PLXNA4: variants seen among roughly 807,000 people sequenced by gnomAD.
PLXNA4 encodes the protein plexin A4, also known as plexin-A4.
PLXNA4 carries 44 observed loss-of-function variants against 191.8 expected under a neutral mutation model. The observed-to-expected ratio is 0.23, with a 90% CI of 0.18 to 0.29. PLXNA4 has a LOEUF of 0.29. PLXNA4 is among the 10% of genes least tolerant of loss of function. The probability of loss-of-function intolerance (pLI) is 1.00; values close to 1 mark genes in which losing one functional copy is unlikely to be tolerated. For synonymous variants in PLXNA4, 1,082 were observed against 1,009.5 expected (o/e 1.07, Z -1.36); for missense variants, 1,800 against 2,488.8 (o/e 0.72, Z 5.89).
chr7:132,357,584 G>T (rs1240847701), intron 3 of PLXNA4, among the ~76,000 whole-genome samples: 1 of 152,170 alleles, frequency 6.6e-6, no homozygotes, highest in Non-Finnish European at 1.5e-5. Context: ...TCTTTCCCCT[G>T]GTTGCCATGA....
At chr7:132,388,711 T>C (rs894124250) in intron 3 of PLXNA4, among the ~76,000 whole-genome samples, 10 of 152,214 alleles carry the variant, frequency 6.6e-5, no homozygotes, top group Non-Finnish European at 1.5e-4. Context: ...AAGTTGGGAC[T>C]ACATTGGCTT....
rs1045310647 is a variant in PLXNA4, at chr7:132,256,380, G to A, written c.1504-15214C>T. On this transcript the variant is annotated intron_variant, in intron 4 of 31. Coordinates refer to ENST00000321063, the MANE Select transcript of PLXNA4 (RefSeq NM_020911.2). ...CATTAAGCCTGCTTCGGATGTTGCT[G>A]GGAATATAGCTTAACCTGGACCAGG... Among the ~76,000 whole-genome samples the A allele has an allele frequency of 3.3e-4, 51 of 152,300 alleles. 1 individual carries two copies. The highest frequency in any genetic ancestry group is 6.5e-5 in the Admixed American group (1 of 15,304).
At chr7:132,476,241 C>T (rs1468571804) in intron 3 of PLXNA4, among the ~76,000 whole-genome samples, 1 of 152,124 alleles carries the variant, frequency 6.6e-6, no homozygotes. Context: ...GCATAATAGC[C>T]ACCGGGCAAC....
intron 3 of PLXNA4, among the ~76,000 whole-genome samples, chr7:132,365,324 C>T (rs1388681314): frequency 1.5e-5 from 2 of 134,880 alleles, no homozygotes; most frequent in Non-Finnish European, 3.2e-5. Context: ...TTTCCTACGG[C>T]CCGCGTGTGT....
At position 132,227,240 on chromosome 7, in the gene PLXNA4, G is replaced by A. The variant is rs1458117528; in HGVS notation, c.1882+211C>T. Among the ~76,000 whole-genome samples, 3 of 152,182 alleles carry A rather than the reference G, an allele frequency of 2.0e-5. No homozygotes were observed. The South Asian group carries it at 6.2e-4, about 32-fold the overall frequency. On this transcript the variant is annotated intron_variant, in intron 7 of 31. Transcript: ENST00000321063. Reference sequence around the variant, plus strand: ...GGGTGACTCTTGGGGGCTAACCTGGGGCTGAGACAGAAGGGCTGTAACAGT... The same window carrying A: ...GGGTGACTCTTGGGGGCTAACCTGGAGCTGAGACAGAAGGGCTGTAACAGT...
At chr7:132,590,066 A>T (rs1037543447) in intron 2 of PLXNA4, among the ~76,000 whole-genome samples, 1 of 152,246 alleles carries the variant, frequency 6.6e-6, no homozygotes, top group Non-Finnish European at 1.5e-5. Flanking sequence ...TGGAACATGC[A>T]AATACACACA....
At chr7:132,592,166 C>T (rs79581800) in intron 2 of PLXNA4, among the ~76,000 whole-genome samples, 1,533 of 152,292 alleles carry the variant, frequency 0.01, 40 homozygotes, top group African/African-American at 0.035. Context: ...AACCCTGCCT[C>T]CCATTAGCAT....
intron 3 of PLXNA4, among the ~76,000 whole-genome samples, chr7:132,443,590 T>A (rs111256167): frequency 0.022 from 3,352 of 152,286 alleles, 42 homozygotes; most frequent in Middle Eastern, 0.054. Context: ...ATAAAGACGA[T>A]GAGCCGACAC....
chr7:132,595,378 G>C (rs1704931567), intron 2 of PLXNA4, among the ~76,000 whole-genome samples: 1 of 152,146 alleles, frequency 6.6e-6, no homozygotes, highest in African/African-American at 2.4e-5. Context: ...CTCTGCATGG[G>C]ATGATGCCTC....
chr7:132,567,231 T>G (rs1801772670), intron 1 of PLXNA4, among the ~76,000 whole-genome samples: 1 of 152,164 alleles, frequency 6.6e-6, no homozygotes, highest in Non-Finnish European at 1.5e-5. Flanking sequence ...CACAGAATGC[T>G]CTTTCCATGG....
chr7:132,482,922 A>G (rs747641362), intron 3 of PLXNA4, among the ~76,000 whole-genome samples: 5 of 151,940 alleles, frequency 3.3e-5, no homozygotes, highest in Non-Finnish European at 7.4e-5. Flanking sequence ...TGAACTCCTG[A>G]CCTCATGATC....
At chr7:132,647,416 C>T (rs1803896283) in intron 1 of PLXNA4, among the ~76,000 whole-genome samples, 1 of 152,068 alleles carries the variant, frequency 6.6e-6, no homozygotes, top group South Asian at 2.1e-4. Flanking sequence ...CACTGTCATA[C>T]AATCACACTA....
intron 3 of PLXNA4, among the ~76,000 whole-genome samples, chr7:132,407,645 T>C (rs1794277498): frequency 6.6e-6 from 1 of 152,188 alleles, no homozygotes; most frequent in Non-Finnish European, 1.5e-5. Flanking sequence ...ACATCTCTCC[T>C]GGTGTGGAGG....
intron 3 of PLXNA4, among the ~76,000 whole-genome samples, chr7:132,409,402 C>T (rs1292294423): frequency 1.3e-5 from 2 of 152,176 alleles, no homozygotes; most frequent in African/African-American, 2.4e-5. Context: ...TCTTTTTGTC[C>T]GTTATGAGCA....
chr7:132,191,691 T>G (rs1349672296), intron 14 of PLXNA4, among the ~76,000 whole-genome samples: 1 of 152,086 alleles, frequency 6.6e-6, no homozygotes, highest in Non-Finnish European at 1.5e-5. Flanking sequence ...CCCGTTTTAC[T>G]TTGGCTGCCA....
intron 15 of PLXNA4, among the ~76,000 whole-genome samples, chr7:132,185,809 G>C (rs977302331): frequency 3.9e-5 from 6 of 152,182 alleles, no homozygotes; most frequent in Admixed American, 1.3e-4. Context: ...CGTTAAGTTG[G>C]TTTAGCAGGA....
At chr7:132,132,000 G>A (rs962529835) in intron 31 of PLXNA4, among the ~76,000 whole-genome samples, 1 of 152,212 alleles carries the variant, frequency 6.6e-6, no homozygotes. Context: ...TAGAGAACTC[G>A]GGGCACAAGC....
intron 2 of PLXNA4, among the ~76,000 whole-genome samples, chr7:132,584,952 C>T (rs1405461774): frequency 6.6e-6 from 1 of 152,100 alleles, no homozygotes; most frequent in Non-Finnish European, 1.5e-5. Context: ...CATATTCGAG[C>T]TTGCCTTTGT....
intron 2 of PLXNA4, among the ~76,000 whole-genome samples, chr7:132,622,991 C>A (rs528084646): frequency 6.6e-6 from 1 of 152,094 alleles, no homozygotes; most frequent in Non-Finnish European, 1.5e-5. Flanking sequence ...TCCATAGCTG[C>A]GAAAGGAAAC....
Sources: gnomAD v4.1 joint callset for allele counts (sites outside exome capture counted in the v4.1 genomes callset) on GRCh38, gnomAD v4.1.1 for gene constraint, MANE v1.5 for transcripts, NCBI Gene and HGNC (gene_info 2026-07-23, HGNC 2026-07-21) for gene names.